CRISPLD2: variants seen among roughly 807,000 people sequenced by gnomAD.
CRISPLD2 encodes cysteine-rich secretory protein LCCL domain-containing 2.
A neutral mutation model predicts 71.1 loss-of-function variants in CRISPLD2; 47 were observed. That is an observed-to-expected ratio of 0.66 (90% confidence interval 0.52 to 0.84). The LOEUF is 0.84. Ranked by LOEUF, CRISPLD2 falls within the 40% of genes least tolerant of loss-of-function variation. The pLI is 0.00. For synonymous variants in CRISPLD2, 317 were observed against 250.1 expected (o/e 1.27, Z -2.52); for missense variants, 830 against 651.1 (o/e 1.27, Z -2.99).
intron 6 of CRISPLD2, among the ~76,000 whole-genome samples, chr16:84,864,030 G>A (rs981956396): frequency 6.6e-6 from 1 of 151,204 alleles, no homozygotes; most frequent in Non-Finnish European, 1.5e-5. Context: ...AATGCATGCC[G>A]GGGAGGGCCC....
At chr16:84,905,583 G>A (rs761164243) in intron 14 of CRISPLD2, among the ~76,000 whole-genome samples, 14 of 151,968 alleles carry the variant, frequency 9.2e-5, no homozygotes, top group Non-Finnish European at 1.9e-4. Flanking sequence ...TAGAGGCAGG[G>A]TTTCACCATG....
intron 1 of CRISPLD2, among the ~76,000 whole-genome samples, chr16:84,822,229 C>G (rs186670195): frequency 1.3e-5 from 2 of 152,368 alleles, no homozygotes; most frequent in Admixed American, 1.3e-4. Flanking sequence ...TGAGTCCTGC[C>G]TCTGTCCTGG....
At position 84,906,608 on chromosome 16, in the gene CRISPLD2, G is replaced by T; in HGVS notation, c.1460G>T (p.Gly487Val). 1 of 1,613,508 alleles carries T rather than the reference G, an allele frequency of 6.2e-7. No individual in the cohort carries two copies. The highest frequency in any genetic ancestry group is 8.5e-7 in the Non-Finnish European group (1 of 1,180,036). Residue 487 changes from glycine (G) to valine (V), a missense_variant, in exon 15 of 15, where the codon GGA becomes GTA. Physicochemically the swap from Gly to Val is moderately radical, Grantham distance 109. Transcript: ENST00000262424. Reference sequence around the variant, plus strand: ...TTCAGCCTGGGGACTCCTCGGGATGGAAAGGCCTTCCGGATCTTTGCTGTC... The same window carrying T: ...TTCAGCCTGGGGACTCCTCGGGATGTAAAGGCCTTCCGGATCTTTGCTGTC... ...QSESLGTPRD[G>V]KAFRIFAVRQ
intron 13 of CRISPLD2, among the ~76,000 whole-genome samples, chr16:84,885,309 T>G (rs573261740): frequency 6.6e-6 from 1 of 152,258 alleles, no homozygotes; most frequent in Non-Finnish European, 1.5e-5. Context: ...CGCTTCATCT[T>G]AAAGTCTCCT....
chr16:84,848,569 G>A (rs1916980790), intron 3 of CRISPLD2, among the ~76,000 whole-genome samples: 1 of 152,070 alleles, frequency 6.6e-6, no homozygotes, highest in Non-Finnish European at 1.5e-5. Flanking sequence ...TGCAGCTGGT[G>A]GCTGCAGATT....
intron 11 of CRISPLD2, among the ~76,000 whole-genome samples, chr16:84,874,743 A>T (rs1347208322): frequency 3.9e-5 from 6 of 152,216 alleles, no homozygotes; most frequent in Admixed American, 6.5e-5. Flanking sequence ...ATTCCAGATA[A>T]TTTAAACACG....
rs554523033 is a variant in CRISPLD2 at position 84,875,707 on chromosome 16, C to A, written c.1157-1731C>A. ...GAGTAGCTGGGATTACAGGCACCCG[C>A]CACCATGTCCAGCTAATTTTTTTTT... is the stretch of plus-strand genomic sequence containing the variant. On this transcript the variant is annotated intron_variant, in intron 11 of 14. Coordinates refer to ENST00000262424, the MANE Select transcript of CRISPLD2 (RefSeq NM_031476.4). Among the ~76,000 whole-genome samples, 962 of 148,312 alleles carry A rather than the reference C, an allele frequency of 6.5e-3. 8 individuals are homozygous for A. Among genetic ancestry groups the A allele is most frequent in the Non-Finnish European group, 8.6e-3 (580 of 67,614 alleles).
At chr16:84,876,664 G>T (rs1306835335) in intron 11 of CRISPLD2, among the ~76,000 whole-genome samples, 1 of 152,002 alleles carries the variant, frequency 6.6e-6, no homozygotes, top group African/African-American at 2.4e-5. Context: ...GTGGTGGCAG[G>T]CGCCTCTAAT....
At chr16:84,902,411 T>A (rs1268369374) in intron 14 of CRISPLD2, among the ~76,000 whole-genome samples, 1 of 151,446 alleles carries the variant, frequency 6.6e-6, no homozygotes, top group African/African-American at 2.4e-5. Flanking sequence ...ACATCGAGAC[T>A]ATCCTGGCTA....
intron 5 of CRISPLD2, 95 bp from the exon 6 acceptor site, chr16:84,854,634 G>A (rs777965516): frequency 2.6e-5 from 22 of 845,778 alleles, no homozygotes; most frequent in African/African-American, 5.0e-5. Context: ...TGTCAGTGGC[G>A]GTGTTCAGGG....
At chr16:84,866,049 G>T (rs969980792) in intron 6 of CRISPLD2, among the ~76,000 whole-genome samples, 5 of 152,144 alleles carry the variant, frequency 3.3e-5, no homozygotes, top group Non-Finnish European at 5.9e-5. Flanking sequence ...TGACTGGCAG[G>T]AGGAGAGAAG....
In CRISPLD2 at chr16:84,849,149, G is replaced by A; in HGVS notation, c.360-236G>A. The stretch of plus-strand genomic sequence containing the variant: ...TGTACCAGGTGCTGCTGGAATTGAG[G>A]GTTATTCCCCCACCTCGGCCTCCCT... On this transcript the variant is annotated intron_variant, in intron 3 of 14. Transcript: ENST00000262424. The A allele has an allele frequency of 3.8e-6, 2 of 521,086 alleles. 1 individual carries two copies. The highest frequency in any genetic ancestry group is 4.5e-5 in the South Asian group (2 of 44,446). 32.3% of individuals were successfully genotyped at this position (521,086 alleles called of 1,614,324 possible). A position where few individuals can be genotyped will look rare whatever the true frequency, so the allele number is the denominator to read the frequency against.
In CRISPLD2 at chr16:84,868,869, A is replaced by G. The variant is rs201418783; in HGVS notation, c.872A>G (p.Asp291Gly). The change falls in exon 8 of 15, where the codon GAC (aspartate) becomes GGC (glycine). Residue 291 changes from aspartate to glycine, a missense_variant. Coordinates refer to ENST00000262424, the MANE Select transcript of CRISPLD2 (RefSeq NM_031476.4). ...CTCCTAGCCCAAGTCGTCAGATGTG[A>G]CACCAAGATGAAGGACAGGTGCAAA... ...VNYMTQVVRC[D>G]TKMKDRCKGS... 9.3e-6 allele frequency: 15 copies of G among 1,611,604 alleles called. No homozygotes were observed. The Admixed American group carries it at 1.2e-4, about 13-fold the overall frequency.
intron 13 of CRISPLD2, among the ~76,000 whole-genome samples, chr16:84,887,798 C>G (rs2071626154): frequency 6.6e-6 from 1 of 152,282 alleles, no homozygotes; most frequent in East Asian, 1.9e-4. Context: ...ACCACTTGAA[C>G]CCAGGAGACA....
At chr16:84,878,870 A>T (rs549209073) in intron 12 of CRISPLD2, among the ~76,000 whole-genome samples, 2 of 152,354 alleles carry the variant, frequency 1.3e-5, no homozygotes, top group South Asian at 4.1e-4. Flanking sequence ...TTTCTGACTT[A>T]GCTCCATTGT....
chr16:84,821,261 C>G (rs919720627), intron 1 of CRISPLD2, among the ~76,000 whole-genome samples: 6 of 152,182 alleles, frequency 3.9e-5, no homozygotes, highest in Non-Finnish European at 8.8e-5. Context: ...TAGACTGAGG[C>G]CATGAGTTGT....
At chr16:84,900,647 C>G (rs2071745550) in intron 14 of CRISPLD2, among the ~76,000 whole-genome samples, 1 of 152,128 alleles carries the variant, frequency 6.6e-6, no homozygotes, top group Non-Finnish European at 1.5e-5. Context: ...TGTCAAGATG[C>G]AAATGCACGT....
chr16:84,823,823 A>C (rs1428197268), intron 1 of CRISPLD2, among the ~76,000 whole-genome samples: 2 of 152,224 alleles, frequency 1.3e-5, no homozygotes, highest in Non-Finnish European at 2.9e-5. Flanking sequence ...TCATTTTTTA[A>C]AAATTATAAA....
In CRISPLD2 at chr16:84,866,769, C is replaced by T. The variant is rs1212097969; in HGVS notation, c.710-128C>T. On this transcript the variant is annotated intron_variant, in intron 6 of 14. Coordinates refer to ENST00000262424, the MANE Select transcript of CRISPLD2 (RefSeq NM_031476.4). Reference sequence around the variant, plus strand: ...TTCTGAAATGTAACTTTCTCTTTGCCGCTGAAATGATTCTTTGTAAAACCA... The same window carrying T: ...TTCTGAAATGTAACTTTCTCTTTGCTGCTGAAATGATTCTTTGTAAAACCA... 11 of 869,624 alleles carry T rather than the reference C, an allele frequency of 1.3e-5. No homozygotes were observed. In the East Asian group the frequency reaches 1.3e-4, roughly 10 times the overall value. The allele number at this position is 869,624 out of a possible 1,614,324, so 53.9% of individuals were successfully genotyped here.
Sources: gnomAD v4.1 joint callset for allele counts (sites outside exome capture counted in the v4.1 genomes callset) on GRCh38, gnomAD v4.1.1 for gene constraint, MANE v1.5 for transcripts, NCBI Gene and HGNC (gene_info 2026-07-23, HGNC 2026-07-21) for gene names.